MTMR14: variants seen among roughly 807,000 people sequenced by gnomAD.
MTMR14 encodes myotubularin related protein 14, also known as phosphatidylinositol-3,5-bisphosphate 3-phosphatase MTMR14.
Under a neutral mutation model 86.3 loss-of-function variants are expected in MTMR14, and 48 were observed. The observed-to-expected ratio is 0.56, with a 90% CI of 0.44 to 0.71. The LOEUF is 0.71. Among genes scored for constraint, MTMR14 ranks in the 30% least tolerant of loss-of-function variants. The probability of loss-of-function intolerance (pLI) is 0.00; values close to 1 mark genes in which losing one functional copy is unlikely to be tolerated. For synonymous variants in MTMR14, 366 were observed against 326.1 expected (o/e 1.12, Z -1.32); for missense variants, 780 against 834.6 (o/e 0.93, Z 0.81).
chr3:9,672,216 A>G lies in MTMR14; in HGVS notation c.678-469A>G, dbSNP rs531840843. On this transcript the variant is annotated intron_variant, in intron 6 of 18. Transcript: ENST00000296003. ...GAGGGGGAGTAACTTCCCTTGGTTG[A>G]TATGTTGGAATAGGGGCAGAGAAGG... is the stretch of plus-strand genomic sequence containing the variant. 2.0e-4 allele frequency among the ~76,000 whole-genome samples: 31 copies of G among 152,074 alleles called. No homozygotes were observed. In the South Asian group the frequency reaches 6.2e-3, roughly 31 times the overall value.
intron 3 of MTMR14, among the ~76,000 whole-genome samples, chr3:9,667,702 T>A (rs9879089): frequency 0.19 from 28,443 of 152,080 alleles, 4,081 homozygotes; most frequent in African/African-American, 0.4. Flanking sequence ...CCCCACCCCT[T>A]GTCTGCTGCT....
At chr3:9,654,031 T>G (rs943424616) in intron 2 of MTMR14, among the ~76,000 whole-genome samples, 24 of 152,230 alleles carry the variant, frequency 1.6e-4, no homozygotes, top group African/African-American at 5.5e-4. Flanking sequence ...GACTTCACAC[T>G]TCACTTCTCT....
chr3:9,669,064 C>G (rs577920467), intron 4 of MTMR14, among the ~76,000 whole-genome samples: 1 of 150,926 alleles, frequency 6.6e-6, no homozygotes, highest in Non-Finnish European at 1.5e-5. Flanking sequence ...CGCTTGAACC[C>G]GGGAGATGGA....
chr3:9,687,973 C>A, intron 14 of MTMR14, 82 bp downstream of exon 14: 1 of 1,168,822 alleles, frequency 8.6e-7, no homozygotes, highest in Non-Finnish European at 1.2e-6. Flanking sequence ...GGCTGACCAC[C>A]TCATTCCCGC....
At chr3:9,676,384 G>A (rs185321566) in intron 7 of MTMR14, among the ~76,000 whole-genome samples, 6 of 152,352 alleles carry the variant, frequency 3.9e-5, no homozygotes, top group Admixed American at 6.5e-5. Flanking sequence ...GGGGCAAGAC[G>A]CATTCTCTCT....
intron 1 of MTMR14, chr3:9,650,251 C>G: frequency 2.2e-6 from 1 of 452,572 alleles, no homozygotes; most frequent in South Asian, 1.6e-5. Context: ...AGGAAGACAA[C>G]CCACACTCCC....
chr3:9,670,313 C>A (rs1016421222), intron 5 of MTMR14, among the ~76,000 whole-genome samples: 1 of 152,184 alleles, frequency 6.6e-6, no homozygotes, highest in Non-Finnish European at 1.5e-5. Flanking sequence ...GGCTCTTCTC[C>A]CTAGATCAGG....
intron 3 of MTMR14, among the ~76,000 whole-genome samples, chr3:9,666,260 A>C (rs577681225): frequency 7.9e-5 from 12 of 151,200 alleles, no homozygotes; most frequent in African/African-American, 2.9e-4. Flanking sequence ...CAGCCTCCCA[A>C]CTAGCTGGGA....
chr3:9,668,501 G>A lies in MTMR14; in HGVS notation c.418-218G>A, dbSNP rs1367019808. Among the ~76,000 whole-genome samples, 3 of 152,176 alleles carry A rather than the reference G, an allele frequency of 2.0e-5. No individual in the cohort carries two copies. In the East Asian group the frequency reaches 5.8e-4, roughly 29 times the overall value. On this transcript the variant is annotated intron_variant, in intron 3 of 18. Transcript: ENST00000296003. ...ATCCGATCCTGTTGGTAACACTGGCGCCTCTTGTTTGGGAGTGAGACTCCC... is the reference window on the plus strand; with the variant it reads ...ATCCGATCCTGTTGGTAACACTGGCACCTCTTGTTTGGGAGTGAGACTCCC...
intron 6 of MTMR14, 120 bp from the exon 7 acceptor site, chr3:9,672,565 C>A (rs2125143958): frequency 1.1e-6 from 1 of 882,920 alleles, no homozygotes; most frequent in Admixed American, 1.8e-5. Flanking sequence ...GAATTATTAA[C>A]AATGAAGAAT....
chr3:9,678,894 C>T (rs953825808), intron 9 of MTMR14, among the ~76,000 whole-genome samples: 8 of 152,222 alleles, frequency 5.3e-5, no homozygotes, highest in African/African-American at 1.9e-4. Flanking sequence ...TGTCCCAGCA[C>T]AGAAACAGGC....
Position 9,683,324 on chromosome 3 carries a change from TGTTGGA to T in MTMR14, c.964+85_964+90del. The T allele has an allele frequency of 2.7e-5, 36 of 1,345,024 alleles. 3 individuals are homozygous for T. In the South Asian group the frequency reaches 4.0e-4, roughly 15 times the overall value. 83.3% of individuals were successfully genotyped at this position (1,345,024 alleles called of 1,614,324 possible). A position where few individuals can be genotyped will look rare whatever the true frequency, so the allele number is the denominator to read the frequency against. On this transcript the variant is annotated intron_variant, in intron 10 of 18. Coordinates refer to ENST00000296003, the MANE Select transcript of MTMR14 (RefSeq NM_001077525.3). ...GTTCATTCTGCCTCAACTGTATGTTTGTTGGAGTTGCACACCTTACTTTTGTGCTGT... is the reference window on the plus strand; with the variant it reads ...GTTCATTCTGCCTCAACTGTATGTTTGTTGCACACCTTACTTTTGTGCTGT...
intron 7 of MTMR14, among the ~76,000 whole-genome samples, chr3:9,674,246 T>C (rs976940408): frequency 3.3e-5 from 5 of 152,226 alleles, no homozygotes; most frequent in African/African-American, 9.6e-5. Context: ...TGCTCCAAAA[T>C]AGTAGCACAG....
chr3:9,651,632 CG>C (rs1177741717), intron 1 of MTMR14, among the ~76,000 whole-genome samples: 1 of 152,130 alleles, frequency 6.6e-6, no homozygotes, highest in African/African-American at 2.4e-5. Context: ...ACTGAACAAT[CG>C]ATTGAGATAA....
intron 2 of MTMR14, among the ~76,000 whole-genome samples, chr3:9,660,604 G>C (rs2047875440): frequency 6.6e-6 from 1 of 152,100 alleles, no homozygotes; most frequent in South Asian, 2.1e-4. Context: ...TTTAAAGACT[G>C]TGTTTTTATT....
At chr3:9,656,270 T>G (rs75885549) in intron 2 of MTMR14, among the ~76,000 whole-genome samples, 5,880 of 152,226 alleles carry the variant, frequency 0.039, 389 homozygotes, top group African/African-American at 0.13. Context: ...TTAAGGGCTC[T>G]TGTAAATAGA....
At chr3:9,687,325 G>A (rs1301018924) in intron 13 of MTMR14, among the ~76,000 whole-genome samples, 1 of 152,186 alleles carries the variant, frequency 6.6e-6, no homozygotes, top group Non-Finnish European at 1.5e-5. Context: ...GGAGGCTGAG[G>A]CGGGCGGGTC....
At chr3:9,662,692 T>C (rs1045322474) in intron 3 of MTMR14, among the ~76,000 whole-genome samples, 7 of 152,222 alleles carry the variant, frequency 4.6e-5, no homozygotes, top group Non-Finnish European at 1.0e-4. Flanking sequence ...TAATCACCTA[T>C]TTCAAAGGTT....
In MTMR14 at chr3:9,655,655, G is replaced by T. The variant is rs536281584; in HGVS notation, c.308+1886G>T. Among the ~76,000 whole-genome samples the T allele has an allele frequency of 3.3e-5, 5 of 150,966 alleles. No homozygotes were observed. The South Asian group carries it at 8.4e-4, about 25-fold the overall frequency. ...TTTTTGTATTTTTAGTAGAGACAGG[G>T]TTTCACCACGTTGGTCAGGCTGGTC... On this transcript the variant is annotated intron_variant, in intron 2 of 18. Transcript: ENST00000296003.
Sources: gnomAD v4.1 joint callset for allele counts (sites outside exome capture counted in the v4.1 genomes callset) on GRCh38, gnomAD v4.1.1 for gene constraint, MANE v1.5 for transcripts, NCBI Gene and HGNC (gene_info 2026-07-23, HGNC 2026-07-21) for gene names.